HADH: variants seen among roughly 807,000 people sequenced by gnomAD.
HADH encodes hydroxyacyl-coenzyme A dehydrogenase, mitochondrial.
HADH carries 24 observed loss-of-function variants against 32.2 expected under a neutral mutation model. The observed-to-expected ratio is 0.75, with a 90% CI of 0.54 to 1.05. The LOEUF (loss-of-function observed/expected upper bound fraction) is 1.05. Among genes scored for constraint, HADH ranks in the 50% least tolerant of loss-of-function variants. The probability of loss-of-function intolerance (pLI) is 0.00; values close to 1 mark genes in which losing one functional copy is unlikely to be tolerated. For missense variants in HADH, 350 were observed against 397.1 expected, an observed-to-expected ratio of 0.88 and a Z score of 1.01; for synonymous variants, 139 against 152.5, an observed-to-expected ratio of 0.91 and a Z score of 0.65.
Position 108,034,230 on chromosome 4 carries a change from G to C in HADH, c.827-9G>C. 2 of 1,547,580 alleles carry C rather than the reference G, an allele frequency of 1.3e-6. No homozygotes were observed. Among genetic ancestry groups the C allele is most frequent in the Non-Finnish European group, 1.8e-6 (2 of 1,119,308 alleles). On this transcript the variant is annotated splice_polypyrimidine_tract_variant and intron_variant, in intron 7 of 7. Coordinates refer to ENST00000309522, the MANE Select transcript of HADH (RefSeq NM_005327.7). ...CTTCATCCTGAGTTCTCTTCCCTCC[G>C]CTCAATAGGGTGGCATGAAATGGAT...
chr4:108,023,369 A>G, intron 4 of HADH, 105 bp from the exon 5 acceptor site: 1 of 746,820 alleles, frequency 1.3e-6, no homozygotes, highest in African/African-American at 1.7e-5. Context: ...AACTCAAACT[A>G]TTTTTGTTGC....
rs1409137451 is a variant in HADH at position 108,009,539 on chromosome 4, G to T, written c.133-220G>T. Among the ~76,000 whole-genome samples the T allele has an allele frequency of 2.0e-5, 3 of 152,126 alleles. No homozygotes were observed. In the East Asian group the frequency reaches 5.8e-4, roughly 29 times the overall value. On this transcript the variant is annotated intron_variant, in intron 1 of 7. Coordinates refer to ENST00000309522, the MANE Select transcript of HADH (RefSeq NM_005327.7). ...TCTTAACCTTCTACAGTTGTTTCAA[G>T]AATTTGTTGTATTCAATATAAAGGG...
At chr4:108,019,391 A>G (rs377636653) in intron 3 of HADH, 149 bp from the exon 4 acceptor site, 3 of 747,864 alleles carry the variant, frequency 4.0e-6, no homozygotes, top group Non-Finnish European at 4.9e-6. Flanking sequence ...AGCCTCTTAT[A>G]TGAAGATGTG....
At position 107,989,964 on chromosome 4, in the gene HADH, C is replaced by T. The variant is rs1246291541; in HGVS notation, c.32C>T (p.Ser11Phe). Residue 11 changes from serine (S) to phenylalanine (F), a missense_variant, in exon 1 of 8, where the codon TCC (serine) becomes TTC (phenylalanine). By Grantham distance (155) the Ser-to-Phe change is radical (BLOSUM62 -2). Coordinates refer to ENST00000309522, the MANE Select transcript of HADH (RefSeq NM_005327.7). MAFVTRQFMR[S>F]VSSSSTASAS... is the part of the protein sequence containing the mutation. The stretch of plus-strand genomic sequence containing the variant: ...TTCGTCACCAGGCAGTTCATGCGTT[C>T]CGTGTCCTCCTCGTCCACCGCCTCG... The T allele has an allele frequency of 1.9e-6, 3 of 1,612,900 alleles. No individual in the cohort carries two copies. Among genetic ancestry groups the T allele is most frequent in the Admixed American group, 3.3e-5 (2 of 59,976 alleles).
intron 1 of HADH, among the ~76,000 whole-genome samples, chr4:108,005,663 A>G (rs1735272218): frequency 1.3e-5 from 2 of 152,234 alleles, no homozygotes; most frequent in South Asian, 2.1e-4. Flanking sequence ...CTGCATAACT[A>G]AAGTGATGCT....
intron 7 of HADH, among the ~76,000 whole-genome samples, chr4:108,033,885 A>G (rs970946839): frequency 6.6e-6 from 1 of 152,256 alleles, no homozygotes; most frequent in Non-Finnish European, 1.5e-5. Flanking sequence ...TTTAACGTGT[A>G]TTCTGAAAGT....
chr4:108,017,124 C>T (rs1201402868), intron 3 of HADH, among the ~76,000 whole-genome samples: 4 of 152,202 alleles, frequency 2.6e-5, no homozygotes, highest in Admixed American at 6.5e-5. Context: ...TTTAAGCAGC[C>T]GTATTGAGAG....
intron 1 of HADH, among the ~76,000 whole-genome samples, chr4:108,001,526 T>C (rs1735118051): frequency 6.6e-6 from 1 of 152,260 alleles, no homozygotes; most frequent in Non-Finnish European, 1.5e-5. Flanking sequence ...AGGCATTGAC[T>C]TTAGCAATTT....
intron 1 of HADH, chr4:108,004,719 G>A: frequency 1.3e-6 from 2 of 1,532,160 alleles, no homozygotes; most frequent in Non-Finnish European, 1.7e-6. Context: ...AAGGAATGAA[G>A]AGAGAAGTTA....
Position 108,034,720 on chromosome 4 carries a change from C to T in HADH, c.*363C>T. 2 of 355,844 alleles carry T rather than the reference C, an allele frequency of 5.6e-6. No homozygotes were observed. The highest frequency in any genetic ancestry group is 4.4e-5 in the South Asian group (2 of 45,974). The allele number at this position is 355,844 out of a possible 1,614,324, so 22.0% of individuals were successfully genotyped here. On this transcript the variant is annotated 3_prime_UTR_variant, in exon 8 of 8. Transcript: ENST00000309522. ...CCTCTGAGAGTGCGAGTGCACCATG[C>T]TCACTGTTGCTGCGTGGGAGAGTCA...
At chr4:108,033,039 C>T in intron 6 of HADH, 137 bp from the exon 7 acceptor site, 2 of 747,848 alleles carry the variant, frequency 2.7e-6, no homozygotes, top group South Asian at 1.4e-5. Context: ...AAATCTTACC[C>T]AAGCCAGAAA....
intron 3 of HADH, among the ~76,000 whole-genome samples, chr4:108,016,224 G>T (rs1289322822): frequency 6.6e-6 from 1 of 152,096 alleles, no homozygotes; most frequent in Non-Finnish European, 1.5e-5. Flanking sequence ...CATGCTTCTT[G>T]GTTGGAATTG....
intron 6 of HADH, chr4:108,028,908 T>G (rs527562159): frequency 1.8e-5 from 7 of 398,568 alleles, no homozygotes; most frequent in Non-Finnish European, 3.1e-5. Flanking sequence ...GGTCCCTTTC[T>G]GCATAGGTGC....
intron 3 of HADH, among the ~76,000 whole-genome samples, chr4:108,018,622 C>T (rs773655177): frequency 2.0e-5 from 3 of 152,126 alleles, no homozygotes; most frequent in African/African-American, 4.8e-5. Flanking sequence ...TCCTCCCACC[C>T]GCCCCTGATT....
Position 108,011,049 on chromosome 4 carries a change from A to G in HADH, c.261+1162A>G, listed in dbSNP as rs562916956. On this transcript the variant is annotated intron_variant, in intron 2 of 7. Transcript: ENST00000309522. ...GTTTTAGTAGAGATGGGGTTTCACCATGTTGGCCAGGATGGTTTCAATCTC... is the reference window on the plus strand; with the variant it reads ...GTTTTAGTAGAGATGGGGTTTCACCGTGTTGGCCAGGATGGTTTCAATCTC... 5.9e-5 allele frequency among the ~76,000 whole-genome samples: 9 copies of G among 152,194 alleles called. No homozygotes were observed. The East Asian group carries it at 1.4e-3, about 23-fold the overall frequency.
Position 108,022,356 on chromosome 4 carries a change from C to T in HADH, c.547-1118C>T, listed in dbSNP as rs150311140. ...ACTGCTTACTGAGGGCTGACTGTGCCGGGCATCGTGCTTGGTGCCATCCCC... is the reference window on the plus strand; with the variant it reads ...ACTGCTTACTGAGGGCTGACTGTGCTGGGCATCGTGCTTGGTGCCATCCCC... On this transcript the variant is annotated intron_variant, in intron 4 of 7. Transcript: ENST00000309522. Among the ~76,000 whole-genome samples, 7 of 152,170 alleles carry T rather than the reference C, an allele frequency of 4.6e-5. No homozygotes were observed. In the East Asian group the frequency reaches 1.4e-3, roughly 29 times the overall value.
At chr4:108,024,307 A>G (rs1202146595) in intron 5 of HADH, 1 of 152,212 alleles carries the variant, frequency 6.6e-6, no homozygotes, top group Non-Finnish European at 1.5e-5. Flanking sequence ...CTTAAGGGGT[A>G]GTTGTGTCAC....
chr4:108,018,898 A>G (rs1214268119), intron 3 of HADH, among the ~76,000 whole-genome samples: 3 of 152,142 alleles, frequency 2.0e-5, no homozygotes, highest in Non-Finnish European at 4.4e-5. Flanking sequence ...ATTTTTTTTA[A>G]TGAATAAGTT....
intron 4 of HADH, among the ~76,000 whole-genome samples, chr4:108,020,761 G>A (rs751011469): frequency 1.3e-5 from 2 of 152,158 alleles, no homozygotes; most frequent in Non-Finnish European, 2.9e-5. Context: ...AAGTGTGGGG[G>A]ACGCTGATGC....
Sources: allele counts gnomAD v4.1 joint callset (sites outside exome capture counted in the v4.1 genomes callset), GRCh38; gene constraint gnomAD v4.1.1; transcripts MANE v1.5; gene names NCBI Gene and HGNC (gene_info 2026-07-23, HGNC 2026-07-21).